The following SEMA5B variants were observed in gnomAD, a reference collection of about 807,000 sequenced individuals.
SEMA5B encodes the protein semaphorin 5B, also known as semaphorin-5B.
In SEMA5B, 66 loss-of-function variants were observed where a neutral mutation model predicts 135.0. That is an observed-to-expected ratio of 0.49 (90% CI 0.40 to 0.60). The LOEUF (loss-of-function observed/expected upper bound fraction) is 0.60. SEMA5B is among the 20% of genes least tolerant of loss of function. The pLI is 0.00. For synonymous variants in SEMA5B, 690 were observed against 639.5 expected (o/e 1.08, Z -1.19); for missense variants, 1,501 against 1,566.3 (o/e 0.96, Z 0.70).
Position 122,926,420 on chromosome 3 carries a change from G to C in SEMA5B, c.1108C>G (p.Leu370Val). 6.2e-7 allele frequency: 1 copy of C among 1,613,904 alleles called. No homozygotes were observed. Among genetic ancestry groups the C allele is most frequent in the Non-Finnish European group, 8.5e-7 (1 of 1,179,864 alleles). Residue 370 changes from leucine to valine, a missense_variant, in exon 9 of 23, where the codon CTC (leucine) becomes GTC (valine). Around this residue, in one of 2 missense-constraint regions of SEMA5B, gnomAD observed 574 missense variants for 684.7 expected, o/e 0.84. Transcript: ENST00000357599. ...TTGGTTGTGAAAACTCCATAGATGA[G>C]GTCCTGCTCCGGCAAGTGGAAGGCA... The part of the protein sequence containing the change: ...QSAFHLPEQD[L>V]IYGVFTTNVN...
At chr3:122,986,217 A>C (rs566692261) in intron 1 of SEMA5B, among the ~76,000 whole-genome samples, 4 of 152,360 alleles carry the variant, frequency 2.6e-5, no homozygotes, top group Admixed American at 2.6e-4. Flanking sequence ...CTTATTAAAA[A>C]GTGTCAGAAG....
In SEMA5B at chr3:122,923,771, T is replaced by G. The variant is rs1274350867; in HGVS notation, c.1137-19A>C. The G allele has an allele frequency of 2.5e-6, 4 of 1,613,660 alleles. No individual in the cohort carries two copies. Among genetic ancestry groups the G allele is most frequent in the Non-Finnish European group, 3.4e-6 (4 of 1,179,880 alleles). On this transcript the variant is annotated intron_variant, in intron 9 of 22. Transcript: ENST00000357599. ...GCTGTTTCTGAAAGGCAAGAAGTGGTGGCACAGGGCCCTCCCTGTAAGACC... is the reference window on the plus strand; with the variant it reads ...GCTGTTTCTGAAAGGCAAGAAGTGGGGGCACAGGGCCCTCCCTGTAAGACC...
rs372933544 is a variant in SEMA5B at position 122,948,633 on chromosome 3, G to A, written c.201C>T (p.Val67=). The A allele has an allele frequency of 1.2e-6, 2 of 1,613,858 alleles. No individual in the cohort carries two copies. Among genetic ancestry groups the A allele is most frequent in the African/African-American group, 2.7e-5 (2 of 74,922 alleles). ...GTGTGAGGCTGGGCAGCAACAGCGA[G>A]ACAGCCAGGGGGCCTGCAAGCACCA... ...PIMVLAGPLA[V]SLLLPSLTLL... is the part of the protein sequence containing the mutation. The change falls in exon 3 of 23, where the codon GTC becomes GTT. Residue 67 remains valine (V), a synonymous_variant. Transcript: ENST00000357599.
intron 1 of SEMA5B, among the ~76,000 whole-genome samples, chr3:123,000,724 C>T (rs546933399): frequency 3.5e-4 from 54 of 152,272 alleles, no homozygotes; most frequent in African/African-American, 1.3e-3. Context: ...GCCTGGGGTG[C>T]ACAGTGCTTC....
At chr3:122,956,307 G>A (rs527853765) in intron 2 of SEMA5B, among the ~76,000 whole-genome samples, 7 of 152,330 alleles carry the variant, frequency 4.6e-5, no homozygotes, top group East Asian at 3.8e-4. Flanking sequence ...GCCTGGAGGC[G>A]TGTGAATGCA....
intron 12 of SEMA5B, among the ~76,000 whole-genome samples, chr3:122,918,533 T>C (rs1295411381): frequency 2.6e-5 from 4 of 152,214 alleles, no homozygotes; most frequent in Non-Finnish European, 5.9e-5. Flanking sequence ...AGCCAAGGGA[T>C]GAAGTGTCTT....
intron 1 of SEMA5B, among the ~76,000 whole-genome samples, chr3:122,962,552 A>C (rs1232957914): frequency 5.9e-5 from 9 of 152,244 alleles, no homozygotes; most frequent in Admixed American, 5.2e-4. Context: ...CTACAACAAA[A>C]AGAAATTCAT....
rs1560277290 is a variant in SEMA5B at position 122,912,207 on chromosome 3, G to A, written c.2861C>T (p.Thr954Met). The part of the protein sequence containing the change: ...PGEDICLGLH[T>M]EEALCATQAC... ...CTGTGTGGCACATAGTGCCTCCTCC[G>A]TGTGCAGCCCGAGACAGATGTCCTC... Residue 954 changes from threonine (T) to methionine (M), a missense_variant, in exon 19 of 23, where the codon ACG (threonine) becomes ATG (methionine). Around this residue, in one of 2 missense-constraint regions of SEMA5B, gnomAD observed 927 missense variants for 881.6 expected, o/e 1.05. Coordinates refer to ENST00000357599, the MANE Select transcript of SEMA5B (RefSeq NM_001031702.4). 2 of 1,603,484 alleles carry A rather than the reference G, an allele frequency of 1.2e-6. No homozygotes were observed. The highest frequency in any genetic ancestry group is 1.7e-6 in the Non-Finnish European group (2 of 1,173,484).
At chr3:122,991,050 G>T (rs141778385) in intron 1 of SEMA5B, among the ~76,000 whole-genome samples, 1 of 152,190 alleles carries the variant, frequency 6.6e-6, no homozygotes, top group East Asian at 1.9e-4. Context: ...TTTAGCTTTT[G>T]GGCAAGTGTC....
At chr3:123,012,354 T>C (rs550637367) in intron 1 of SEMA5B, among the ~76,000 whole-genome samples, 1 of 152,210 alleles carries the variant, frequency 6.6e-6, no homozygotes, top group Non-Finnish European at 1.5e-5. Flanking sequence ...ATCCCTACCA[T>C]CATTTTCCTC....
intron 1 of SEMA5B, among the ~76,000 whole-genome samples, chr3:123,015,989 G>A (rs1942545895): frequency 6.6e-6 from 1 of 152,208 alleles, no homozygotes; most frequent in Non-Finnish European, 1.5e-5. Context: ...GGACTCATAG[G>A]CCTCAGAAGA....
At chr3:122,944,403 A>G (rs1160314829) in intron 3 of SEMA5B, among the ~76,000 whole-genome samples, 1 of 152,158 alleles carries the variant, frequency 6.6e-6, no homozygotes, top group African/African-American at 2.4e-5. Flanking sequence ...ATAGTCTTCT[A>G]CTTTACTGCC....
chr3:122,923,689 A>T lies in SEMA5B; in HGVS notation c.1200T>A (p.Asn400Lys), dbSNP rs978630924. 3 of 1,614,150 alleles carry T rather than the reference A, an allele frequency of 1.9e-6. No individual in the cohort carries two copies. The highest frequency in any genetic ancestry group is 1.7e-6 in the Non-Finnish European group (2 of 1,179,992). Reference protein sequence around the residue: ...FNLSAISQAFNGPFRYQENPR... With the variant: ...FNLSAISQAFKGPFRYQENPR... Reference sequence around the variant, plus strand: ...GGTTCTCCTGGTAGCGAAATGGGCCATTGAAAGCCTGGGAGATAGCACTGA... The same window carrying T: ...GGTTCTCCTGGTAGCGAAATGGGCCTTTGAAAGCCTGGGAGATAGCACTGA... Residue 400 changes from asparagine (N) to lysine (K), a missense_variant, in exon 10 of 23, where the codon AAT becomes AAA. Transcript: ENST00000357599.
intron 1 of SEMA5B, among the ~76,000 whole-genome samples, chr3:122,970,437 T>G (rs959616368): frequency 6.6e-6 from 1 of 152,146 alleles, no homozygotes; most frequent in Non-Finnish European, 1.5e-5. Flanking sequence ...AGCCCAAGAT[T>G]TTGCAATTCT....
chr3:122,920,795 T>C (rs1938309684), intron 12 of SEMA5B, among the ~76,000 whole-genome samples: 1 of 152,200 alleles, frequency 6.6e-6, no homozygotes, highest in South Asian at 2.1e-4. Context: ...ATGTCTGATA[T>C]AGGCCAAGGT....
intron 4 of SEMA5B, among the ~76,000 whole-genome samples, chr3:122,942,610 T>G (rs1178868798): frequency 6.6e-6 from 1 of 152,234 alleles, no homozygotes. Flanking sequence ...CCTTCCCCTC[T>G]CAGTGCCTCT....
chr3:122,991,218 A>T lies in SEMA5B; in HGVS notation c.-38-29917T>A, dbSNP rs1256410639. 2.8e-4 allele frequency among the ~76,000 whole-genome samples: 42 copies of T among 152,138 alleles called. 2 individuals are homozygous for T. The highest frequency in any genetic ancestry group is 2.7e-3 in the Admixed American group (42 of 15,282). On this transcript the variant is annotated intron_variant, in intron 1 of 22. Transcript: ENST00000357599. ...TGGGAGAAGTGATTCTCCAGTCAGG[A>T]TTGGGTGAGAACGTGAGCAAGATCA...
At chr3:122,917,844 T>C (rs1354144285) in intron 12 of SEMA5B, among the ~76,000 whole-genome samples, 2 of 152,204 alleles carry the variant, frequency 1.3e-5, no homozygotes, top group African/African-American at 2.4e-5. Flanking sequence ...ATGGTTTGAT[T>C]TGAGGGTGTT....
chr3:122,943,647 C>A (rs1015019965), intron 3 of SEMA5B, 112 bp from the exon 4 acceptor site: 37 of 745,432 alleles, frequency 5.0e-5, no homozygotes, highest in Non-Finnish European at 8.0e-5. Flanking sequence ...GGGGCGGTGG[C>A]ACCCGGGAGA....
Sources: gnomAD v4.1 joint callset for allele counts (sites outside exome capture counted in the v4.1 genomes callset) on GRCh38, gnomAD v4.1.1 for gene constraint, gnomAD v4.1.1 regional missense constraint, MANE v1.5 for transcripts, NCBI Gene and HGNC (gene_info 2026-07-23, HGNC 2026-07-21) for gene names.